OGG1: variants seen among roughly 807,000 people sequenced by gnomAD.
OGG1 encodes 8-oxoguanine DNA glycosylase, also known as N-glycosylase/DNA lyase.
In OGG1, 35 loss-of-function variants were observed where a neutral mutation model predicts 42.3. The ratio of observed to expected loss-of-function variants is 0.83; its 90% CI spans 0.63 to 1.10. OGG1 has a LOEUF of 1.10. OGG1 is among the 50% of genes least tolerant of loss of function. OGG1 has a pLI of 0.00. For synonymous variants in OGG1, 189 were observed against 179.0 expected (o/e 1.06, Z -0.44); for missense variants, 484 against 446.7 (o/e 1.08, Z -0.75).
exon 3 of OGG1, chr3:9,781,566 C>T (rs1278841898): frequency 2.2e-6 from 1 of 456,528 alleles, no homozygotes; most frequent in African/African-American, 2.0e-5. Context: ...ATTCCAGAGC[C>T]CCCTAAGGTC....
chr3:9,785,265 G>T, intron 3 of OGG1: 1 of 1,453,070 alleles, frequency 6.9e-7, no homozygotes, highest in Non-Finnish European at 9.6e-7. Flanking sequence ...ATGGAGAGAA[G>T]CCAACAGAAG....
chr3:9,766,431 C>T (rs993596678), exon 8 of OGG1: 5 of 446,692 alleles, frequency 1.1e-5, no homozygotes, highest in South Asian at 2.1e-5. Flanking sequence ...CAGCATCACC[C>T]GGGAACTTTT....
chr3:9,780,276 T>C (rs1180225158), intron 2 of OGG1: 17 of 1,437,918 alleles, frequency 1.2e-5, no homozygotes, highest in East Asian at 9.2e-5. Context: ...CACAGGCCAA[T>C]GTTTCCTGTG....
chr3:9,790,529 A>G (rs1207816320), downstream of OGG1, among the ~76,000 whole-genome samples: 3 of 152,256 alleles, frequency 2.0e-5, no homozygotes, highest in Middle Eastern at 3.2e-3. Context: ...CAACTAGACC[A>G]TAAGCTACTG....
chr3:9,757,783 C>A, downstream of OGG1: 6 of 1,614,094 alleles, frequency 3.7e-6, no homozygotes, highest in Non-Finnish European at 3.4e-6. The surrounding 1 kb of genome is among the most constrained non-coding windows in gnomAD (Gnocchi z 4.5). Context: ...CCCTGCCCCT[C>A]CTGGCTGGTG....
chr3:9,786,449 A>G (rs1241605395), intron 3 of OGG1, among the ~76,000 whole-genome samples: 1 of 152,212 alleles, frequency 6.6e-6, no homozygotes, highest in African/African-American at 2.4e-5. Context: ...CTGAGTCTCA[A>G]TGAGGTGAAA....
downstream of OGG1, chr3:9,761,217 G>A: frequency 2.2e-6 from 1 of 452,738 alleles, no homozygotes. Context: ...TAGAAAGAAA[G>A]TCAGCTCCCT....
At position 9,750,994 on chromosome 3, in the gene OGG1, G is replaced by A; in HGVS notation, c.187G>A (p.Val63Ile). 4.3e-6 allele frequency: 7 copies of A among 1,614,128 alleles called. No individual in the cohort carries two copies. The highest frequency in any genetic ancestry group is 5.9e-6 in the Non-Finnish European group (7 of 1,179,990). ...CTGGAGTGGTGTACTAGCGGATCAA[G>A]TATGGACACTGACTCAGACTGAGGA... ...AHWSGVLADQ[V>I]WTLTQTEEQL... is the part of the protein sequence containing the mutation. Residue 63 changes from valine to isoleucine, a missense_variant, in exon 2 of 7, where the codon GTA (valine) becomes ATA (isoleucine). By Grantham distance (29) the Val-to-Ile change is conservative. Transcript: ENST00000344629.
At chr3:9,761,760 T>G (rs572307672), downstream of OGG1, 1 of 1,613,894 alleles carries the variant, frequency 6.2e-7, no homozygotes, top group East Asian at 2.2e-5. Context: ...TTCTCTGGCT[T>G]GAAGGGCAGG....
chr3:9,777,501 T>A (rs2078380256), intron 2 of OGG1, among the ~76,000 whole-genome samples: 1 of 152,212 alleles, frequency 6.6e-6, no homozygotes, highest in South Asian at 2.1e-4. Context: ...CTGTGTCATC[T>A]GCAGGCTGGA....
chr3:9,768,437 T>C (rs1199660066), downstream of OGG1, among the ~76,000 whole-genome samples: 1 of 152,184 alleles, frequency 6.6e-6, no homozygotes, highest in Non-Finnish European at 1.5e-5. Flanking sequence ...CATCTAACCC[T>C]ATCCAGCCTG....
chr3:9,769,676 CAG>C (rs2078257347), downstream of OGG1, among the ~76,000 whole-genome samples: 1 of 152,320 alleles, frequency 6.6e-6, no homozygotes, highest in African/African-American at 2.4e-5. Context: ...GGGCCTGGGA[CAG>C]AGGTGGAGAA....
At chr3:9,785,250 T>C (rs1344714787) in intron 3 of OGG1, 48 of 1,311,824 alleles carry the variant, frequency 3.7e-5, no homozygotes, top group Non-Finnish European at 4.9e-5. Context: ...CTTCCCCAGG[T>C]TGAGATGGAG....
downstream of OGG1, among the ~76,000 whole-genome samples, chr3:9,790,465 G>A (rs2078703254): frequency 6.6e-6 from 1 of 152,162 alleles, no homozygotes; most frequent in South Asian, 2.1e-4. Flanking sequence ...GCTCCAACGT[G>A]CACCCAATCG....
At chr3:9,767,099 T>C (rs898768510), downstream of OGG1, among the ~76,000 whole-genome samples, 1 of 152,174 alleles carries the variant, frequency 6.6e-6, no homozygotes, top group Admixed American at 6.5e-5. Context: ...GGAATGTCCT[T>C]CTTCCTCTCT....
intron 4 of OGG1, 66 bp from the exon 5 acceptor site, chr3:9,756,405 C>A: frequency 1.3e-6 from 2 of 1,563,556 alleles, no homozygotes; most frequent in Non-Finnish European, 1.8e-6. Context: ...GGCTTTGGGG[C>A]TATAAGCAAG....
At chr3:9,765,369 G>A (rs2078106673) in intron 7 of OGG1, among the ~76,000 whole-genome samples, 1 of 152,158 alleles carries the variant, frequency 6.6e-6, no homozygotes, top group African/African-American at 2.4e-5. Context: ...TGTGGATTTA[G>A]TCTGGGGGTC....
At chr3:9,758,072 G>A (rs2077671505), downstream of OGG1, 3 of 565,080 alleles carry the variant, frequency 5.3e-6, no homozygotes, top group Non-Finnish European at 8.8e-6. Context: ...TATATAAATA[G>A]AAACATAACT....
chr3:9,776,414 A>G (rs187082030), intron 2 of OGG1, among the ~76,000 whole-genome samples: 58 of 117,016 alleles, frequency 5.0e-4, no homozygotes, highest in Admixed American at 1.9e-3. Flanking sequence ...TTTTGAGATG[A>G]AGTCTCGCTC....
Sources: gnomAD v4.1 joint callset for allele counts (sites outside exome capture counted in the v4.1 genomes callset) on GRCh38, gnomAD v4.1.1 for gene constraint, Gnocchi (gnomAD v3.1) non-coding constraint, MANE v1.5 for transcripts, NCBI Gene and HGNC (gene_info 2026-07-23, HGNC 2026-07-21) for gene names.